Variants in NAA35 observed in about 807,000 individuals in gnomAD.
NAA35 encodes the protein N-alpha-acetyltransferase 35, NatC auxiliary subunit.
A neutral mutation model predicts 101.7 loss-of-function variants in NAA35; 18 were observed. The observed-to-expected ratio is 0.18, with a 90% CI of 0.12 to 0.26. The LOEUF (loss-of-function observed/expected upper bound fraction) is 0.26, where lower values mean the gene tolerates loss of function less well. Among genes scored for constraint, NAA35 ranks in the 10% least tolerant of loss-of-function variants. NAA35 has a pLI of 1.00. For missense variants in NAA35, 601 were observed against 886.8 expected, an observed-to-expected ratio of 0.68 and a Z score of 4.09; for synonymous variants, 267 against 273.1, an observed-to-expected ratio of 0.98 and a Z score of 0.22.
chr9:86,004,813 A>G (rs929564387), intron 13 of NAA35, among the ~76,000 whole-genome samples: 6 of 152,244 alleles, frequency 3.9e-5, no homozygotes, highest in Non-Finnish European at 7.3e-5. Context: ...AAATGGACCT[A>G]TTCCTTTAAA....
intron 2 of NAA35, among the ~76,000 whole-genome samples, chr9:85,949,803 A>G (rs1828932692): frequency 6.6e-6 from 1 of 151,844 alleles, no homozygotes; most frequent in Non-Finnish European, 1.5e-5. Context: ...TAAAAGTAGA[A>G]GTAACTTTAA....
chr9:85,989,942 C>G (rs562814472), intron 11 of NAA35, among the ~76,000 whole-genome samples: 1 of 152,286 alleles, frequency 6.6e-6, no homozygotes, highest in South Asian at 2.1e-4. Flanking sequence ...GTGGAGGTAA[C>G]CAATGGCGAT....
At chr9:85,979,055 T>G (rs1174679551) in intron 11 of NAA35, among the ~76,000 whole-genome samples, 1 of 152,204 alleles carries the variant, frequency 6.6e-6, no homozygotes, top group Non-Finnish European at 1.5e-5. Flanking sequence ...GATTGTCACT[T>G]CGATTACACA....
At chr9:85,943,203 A>G (rs1456823456) in intron 2 of NAA35, among the ~76,000 whole-genome samples, 1 of 152,114 alleles carries the variant, frequency 6.6e-6, no homozygotes, top group African/African-American at 2.4e-5. Flanking sequence ...GACTGAAGAT[A>G]AGAGAAAGGA....
chr9:86,006,773 A>C (rs941959248), intron 13 of NAA35, among the ~76,000 whole-genome samples: 2 of 152,222 alleles, frequency 1.3e-5, no homozygotes, highest in African/African-American at 2.4e-5. Context: ...TTATAACTGT[A>C]CAACAAACAT....
Position 85,947,654 on chromosome 9 carries a change from C to A in NAA35, c.124+5371C>A, listed in dbSNP as rs73491314. Among the ~76,000 whole-genome samples, 1,262 of 152,300 alleles carry A rather than the reference C, an allele frequency of 8.3e-3. 22 individuals carry two copies. Among genetic ancestry groups the A allele is most frequent in the African/African-American group, 0.029 (1,216 of 41,556 alleles). On this transcript the variant is annotated intron_variant, in intron 2 of 22. Coordinates refer to ENST00000361671, the MANE Select transcript of NAA35 (RefSeq NM_024635.4). The stretch of plus-strand genomic sequence containing the variant: ...TCACAGTGTCTATGAGGTGGTGCTA[C>A]TGGCATCTAACAAGTACATGCCAGG...
At position 85,955,327 on chromosome 9, in the gene NAA35, CATATATAT is replaced by C. The variant is rs1173706353; in HGVS notation, c.125-1006_125-999del. On this transcript the variant is annotated intron_variant, in intron 2 of 22. Transcript: ENST00000361671. ...TCCACAGGATTTAGCCATCTATATA[CATATATAT>C]ATATATATATATATATATATATATA... Among the ~76,000 whole-genome samples, 51 of 82,854 alleles carry C rather than the reference CATATATAT, an allele frequency of 6.2e-4. 1 individual carries two copies. The highest frequency in any genetic ancestry group is 2.9e-3 in the East Asian group (7 of 2,384). 54.4% of individuals were successfully genotyped at this position (82,854 alleles called of 152,430 possible).
In NAA35 at chr9:86,024,649, A is replaced by C. The variant is rs2118565939; in HGVS notation, c.*2689A>C. Among the ~76,000 whole-genome samples the C allele has an allele frequency of 6.6e-6, 1 of 152,318 alleles. No individual in the cohort carries two copies. The highest frequency in any genetic ancestry group is 1.9e-4 in the East Asian group (1 of 5,178). ...GTGAATGAGAGTTTCTGCCAAAATC[A>C]AGGATGATTTTTCAGAAATTTTTTT... On this transcript the variant is annotated 3_prime_UTR_variant, in exon 23 of 23. Coordinates refer to ENST00000361671, the MANE Select transcript of NAA35 (RefSeq NM_024635.4).
At chr9:85,970,071 C>A (rs1236716429) in intron 6 of NAA35, among the ~76,000 whole-genome samples, 1 of 152,134 alleles carries the variant, frequency 6.6e-6, no homozygotes, top group Non-Finnish European at 1.5e-5. Flanking sequence ...AAAATACATT[C>A]TTTGCATGGC....
chr9:86,009,906 A>G lies in NAA35; in HGVS notation c.1265A>G (p.Asp422Gly). 1 of 1,612,686 alleles carries G rather than the reference A, an allele frequency of 6.2e-7. No individual in the cohort carries two copies. The highest frequency in any genetic ancestry group is 8.5e-7 in the Non-Finnish European group (1 of 1,179,216). ...AATCACCAGGCTAAGGACTGTATCG[A>G]CTCCTTTGTTACTCACTGTGTTCGG... Reference protein sequence around the residue: ...YNNHQAKDCIDSFVTHCVRPF... With the variant: ...YNNHQAKDCIGSFVTHCVRPF... Residue 422 changes from aspartate (D) to glycine (G), a missense_variant, in exon 15 of 23, where the codon GAC becomes GGC. Physicochemically the swap from Asp to Gly is moderately conservative, Grantham distance 94. This residue lies in a region of NAA35 where 190 missense variants were observed against 223.1 expected (regional missense o/e 0.85). Coordinates refer to ENST00000361671, the MANE Select transcript of NAA35 (RefSeq NM_024635.4).
At position 86,009,947 on chromosome 9, in the gene NAA35, TG is replaced by T; in HGVS notation, c.1290+18del. The T allele has an allele frequency of 6.2e-7, 1 of 1,601,542 alleles. No individual in the cohort carries two copies. The highest frequency in any genetic ancestry group is 8.6e-7 in the Non-Finnish European group (1 of 1,168,758). ...CTGTGTTCGGGTAAGAGCTACAATT[TG>T]GATTGTCATAATGGGTACTTTAAAA... On this transcript the variant is annotated intron_variant, in intron 15 of 22. Transcript: ENST00000361671.
Position 85,986,569 on chromosome 9 carries a change from G to A in NAA35, c.877+8188G>A, listed in dbSNP as rs188876534. The A allele has an allele frequency of 4.9e-3, 1,947 of 395,890 alleles. 50 individuals carry two copies. Among genetic ancestry groups the A allele is most frequent in the South Asian group, 0.028 (1,418 of 50,596 alleles). The allele number at this position is 395,890 out of a possible 1,614,324, so 24.5% of individuals were successfully genotyped here. A position where few individuals can be genotyped will look rare whatever the true frequency, so the allele number is the denominator to read the frequency against. On this transcript the variant is annotated intron_variant, in intron 11 of 22. Transcript: ENST00000361671. ...TACTCTAAGCTTGTTTTTTGCCAAT[G>A]TGTAGATCAGAGGTGTCCAATCTTT...
intron 2 of NAA35, among the ~76,000 whole-genome samples, chr9:85,945,667 C>T (rs886924045): frequency 3.3e-5 from 5 of 151,944 alleles, no homozygotes; most frequent in Admixed American, 6.6e-5. Flanking sequence ...TACAGGCGCC[C>T]GTCACCACGC....
chr9:85,943,980 AT>A (rs1190425664), intron 2 of NAA35, among the ~76,000 whole-genome samples: 1 of 152,222 alleles, frequency 6.6e-6, no homozygotes, highest in Non-Finnish European at 1.5e-5. Flanking sequence ...CTTTAGTGCC[AT>A]TGATGTTTTT....
At chr9:85,951,557 T>C (rs1829020318) in intron 2 of NAA35, among the ~76,000 whole-genome samples, 1 of 152,248 alleles carries the variant, frequency 6.6e-6, no homozygotes, top group South Asian at 2.1e-4. Context: ...TCTTGAACTT[T>C]GAATGGCTCT....
intron 2 of NAA35, among the ~76,000 whole-genome samples, chr9:85,955,749 C>G (rs1156247232): frequency 1.3e-5 from 2 of 152,098 alleles, no homozygotes; most frequent in Non-Finnish European, 2.9e-5. Flanking sequence ...GCTCTAAAAC[C>G]ACTGTATAGG....
At chr9:86,017,692 GA>G (rs1275785628) in intron 19 of NAA35, 127 bp downstream of exon 19, 75 of 755,880 alleles carry the variant, frequency 9.9e-5, no homozygotes, top group Non-Finnish European at 1.5e-4. Flanking sequence ...CTGTCTGCTT[GA>G]AGATTACCTT....
At chr9:85,951,764 C>T (rs1472562098) in intron 2 of NAA35, among the ~76,000 whole-genome samples, 5 of 152,152 alleles carry the variant, frequency 3.3e-5, no homozygotes, top group Non-Finnish European at 5.9e-5. Flanking sequence ...AAGGGATTCT[C>T]CTGCCTCAGC....
At chr9:85,958,001 G>T (rs1024827306) in intron 3 of NAA35, among the ~76,000 whole-genome samples, 18 of 151,480 alleles carry the variant, frequency 1.2e-4, no homozygotes, top group Non-Finnish European at 1.9e-4. Context: ...GAGTGCAACA[G>T]TGCAATCTCA....
Sources: allele counts gnomAD v4.1 joint callset (sites outside exome capture counted in the v4.1 genomes callset), GRCh38; gene constraint gnomAD v4.1.1; regional missense constraint gnomAD v4.1.1; transcripts MANE v1.5; gene names NCBI Gene and HGNC (gene_info 2026-07-23, HGNC 2026-07-21).